Variants in SAMSN1 observed in about 807,000 individuals in gnomAD.
SAMSN1 encodes SAM domain-containing protein SAMSN-1.
Under a neutral mutation model 42.0 loss-of-function variants are expected in SAMSN1, and 31 were observed. That is an observed-to-expected ratio of 0.74 (90% CI 0.55 to 1.00). SAMSN1 has a LOEUF of 1.00. SAMSN1 is among the 50% of genes least tolerant of loss of function. The pLI, the probability that SAMSN1 is intolerant of heterozygous loss-of-function variation, is 0.00. For synonymous variants in SAMSN1, 178 were observed against 151.9 expected, an observed-to-expected ratio of 1.17 and a Z score of -1.26; for missense variants, 464 against 439.4, an observed-to-expected ratio of 1.06 and a Z score of -0.50.
intron 2 of SAMSN1, among the ~76,000 whole-genome samples, chr21:14,632,266 T>TA (rs1211466591): frequency 1.3e-5 from 2 of 152,032 alleles, no homozygotes; most frequent in African/African-American, 4.8e-5. Context: ...CCTGCAAACT[T>TA]AGAGTATGTG....
chr21:14,603,871 G>C (rs894745312), intron 5 of SAMSN1, among the ~76,000 whole-genome samples: 2 of 152,212 alleles, frequency 1.3e-5, no homozygotes, highest in Non-Finnish European at 2.9e-5. Context: ...CTCAGTTGAA[G>C]TCACCTGAGA....
intron 7 of SAMSN1, among the ~76,000 whole-genome samples, chr21:14,489,052 G>C (rs978601608): frequency 1.3e-5 from 2 of 152,088 alleles, no homozygotes; most frequent in Admixed American, 1.3e-4. Flanking sequence ...TTGTGTTATG[G>C]GTGTTTCTTT....
rs779414663 is a variant in SAMSN1, at chr21:14,521,173, A to G, written c.106T>C (p.Ser36Pro). Residue 36 changes from serine to proline, a missense_variant, in exon 2 of 8, where the codon TCA becomes CCA. Ser to Pro is a moderately conservative substitution (Grantham distance 74). Coordinates refer to ENST00000400566, the MANE Select transcript of SAMSN1 (RefSeq NM_022136.5). ...ACCTCAGTTGAATCATCTGGTTTTGATAAAGAATTATTCCGAAAACGATCG... is the reference window on the plus strand; with the variant it reads ...ACCTCAGTTGAATCATCTGGTTTTGGTAAAGAATTATTCCGAAAACGATCG... ...NFDRFRNNSL[S>P]KPDDSTEAHE... The G allele has an allele frequency of 3.1e-6, 5 of 1,610,952 alleles. No individual in the cohort carries two copies. In the South Asian group the frequency reaches 3.3e-5, roughly 11 times the overall value.
chr21:14,607,964 AACTG>A (rs2123316444), intron 5 of SAMSN1, among the ~76,000 whole-genome samples: 1 of 152,302 alleles, frequency 6.6e-6, no homozygotes, highest in Admixed American at 6.5e-5. Flanking sequence ...ATGTTTGATT[AACTG>A]ACTGAAGGTG....
intron 1 of SAMSN1, among the ~76,000 whole-genome samples, chr21:14,527,320 CAA>C (rs1476591928): frequency 6.6e-6 from 1 of 152,172 alleles, no homozygotes; most frequent in African/African-American, 2.4e-5. Context: ...AGAGGTGAAA[CAA>C]ATTTAACTCT....
At chr21:14,590,611 A>AT (rs1982054242) in intron 7 of SAMSN1, among the ~76,000 whole-genome samples, 1 of 151,986 alleles carries the variant, frequency 6.6e-6, no homozygotes, top group East Asian at 1.9e-4. Flanking sequence ...TACAAAATGT[A>AT]TTTAGAAGGC....
chr21:14,494,628 G>A (rs184199744), intron 7 of SAMSN1, among the ~76,000 whole-genome samples: 1 of 151,286 alleles, frequency 6.6e-6, no homozygotes, highest in Admixed American at 6.6e-5. Context: ...GATGGGTGCA[G>A]CAAACCACCA....
intron 1 of SAMSN1, among the ~76,000 whole-genome samples, chr21:14,582,966 T>A (rs968353984): frequency 7.9e-5 from 12 of 152,204 alleles, no homozygotes; most frequent in Non-Finnish European, 1.8e-4. Context: ...TCTGAAATTG[T>A]CTATTTTAAT....
intron 1 of SAMSN1, among the ~76,000 whole-genome samples, chr21:14,652,309 A>T (rs1314451925): frequency 6.6e-6 from 1 of 152,110 alleles, no homozygotes; most frequent in Non-Finnish European, 1.5e-5. Context: ...AGCTATAGTA[A>T]CCTAAACAGA....
chr21:14,585,228 G>C (rs377701684), upstream of SAMSN1: 5 of 152,092 alleles, frequency 3.3e-5, no homozygotes, highest in East Asian at 9.7e-4. Context: ...TGAGTTACTT[G>C]ATTTTATAGA....
intron 1 of SAMSN1, among the ~76,000 whole-genome samples, chr21:14,648,149 G>T (rs1241780415): frequency 6.6e-6 from 1 of 151,748 alleles, no homozygotes; most frequent in East Asian, 1.9e-4. Flanking sequence ...TTATTATTTT[G>T]AAATACATCC....
chr21:14,619,710 A>G (rs542428382), intron 2 of SAMSN1: 7 of 297,744 alleles, frequency 2.4e-5, no homozygotes, highest in South Asian at 2.2e-4. Flanking sequence ...ATAAAATAAT[A>G]CACACTTATT....
chr21:14,487,620 G>A (rs1986494436), intron 7 of SAMSN1, among the ~76,000 whole-genome samples: 1 of 152,102 alleles, frequency 6.6e-6, no homozygotes, highest in South Asian at 2.1e-4. Flanking sequence ...GGTTGAGAAA[G>A]GCTGGAAGAA....
rs990696509 is a variant in SAMSN1 at position 14,485,361 on chromosome 21, C to T, written c.*551G>A. On this transcript the variant is annotated 3_prime_UTR_variant, in exon 8 of 8. Transcript: ENST00000400566. ...TAAATCAGAAGTGACTACACATTAT[C>T]TCTACTTTTATACCAGAAAACAAAA... The T allele has an allele frequency of 2.6e-5, 4 of 152,328 alleles. No individual in the cohort carries two copies. The highest frequency in any genetic ancestry group is 9.7e-5 in the African/African-American group (4 of 41,446). The allele number at this position is 152,328 out of a possible 1,614,324, so 9.4% of individuals were successfully genotyped here. A position where few individuals can be genotyped will look rare whatever the true frequency, so the allele number is the denominator to read the frequency against.
chr21:14,602,051 C>T (rs1041097070), exon 6 of SAMSN1: 2 of 692,810 alleles, frequency 2.9e-6, no homozygotes, highest in Non-Finnish European at 5.4e-6. Context: ...TAGAGTTTTT[C>T]CTTGATAGGT....
chr21:14,589,655 T>C (rs1043845791), intron 7 of SAMSN1, among the ~76,000 whole-genome samples: 3 of 152,094 alleles, frequency 2.0e-5, no homozygotes, highest in Non-Finnish European at 4.4e-5. Flanking sequence ...AGAAGGAAAA[T>C]TTAGGCTTAT....
At chr21:14,509,751 T>C (rs992703865) in intron 5 of SAMSN1, among the ~76,000 whole-genome samples, 4 of 152,132 alleles carry the variant, frequency 2.6e-5, no homozygotes, top group African/African-American at 9.7e-5. Flanking sequence ...TCCTCCCTGA[T>C]AGACTCTGAA....
intron 1 of SAMSN1, among the ~76,000 whole-genome samples, chr21:14,542,174 C>T (rs1376041834): frequency 6.6e-6 from 1 of 152,162 alleles, no homozygotes; most frequent in Non-Finnish European, 1.5e-5. Flanking sequence ...GACATGGTTT[C>T]CCTGATCTCC....
At chr21:14,540,129 A>T (rs1168861219) in intron 1 of SAMSN1, among the ~76,000 whole-genome samples, 1 of 152,366 alleles carries the variant, frequency 6.6e-6, no homozygotes, top group East Asian at 1.9e-4. Context: ...TACACCTTAT[A>T]CAAAAATTAC....
Sources: gnomAD v4.1 joint callset for allele counts (sites outside exome capture counted in the v4.1 genomes callset) on GRCh38, gnomAD v4.1.1 for gene constraint, MANE v1.5 for transcripts, NCBI Gene and HGNC (gene_info 2026-07-23, HGNC 2026-07-21) for gene names.